GMDS: variants seen among roughly 807,000 people sequenced by gnomAD.
The protein encoded by GMDS is GDP-mannose 4,6 dehydratase.
Under a neutral mutation model 49.9 loss-of-function variants are expected in GMDS, and 20 were observed. The ratio of observed to expected loss-of-function variants is 0.40; its 90% confidence interval spans 0.28 to 0.58. GMDS has a LOEUF of 0.58. Among genes scored for constraint, GMDS ranks in the 20% least tolerant of loss-of-function variants. GMDS has a pLI of 0.42. For synonymous variants in GMDS, 177 were observed against 178.6 expected (o/e 0.99, Z 0.07); for missense variants, 362 against 481.4 (o/e 0.75, Z 2.32).
chr6:1,981,675 A>G (rs917464628), intron 4 of GMDS, among the ~76,000 whole-genome samples: 1 of 152,168 alleles, frequency 6.6e-6, no homozygotes, highest in African/African-American at 2.4e-5. Flanking sequence ...ATTCTATGAA[A>G]CCAGCATCAT....
chr6:2,183,884 G>A (rs925239173), intron 1 of GMDS, among the ~76,000 whole-genome samples: 3 of 152,116 alleles, frequency 2.0e-5, no homozygotes, highest in South Asian at 2.1e-4. Context: ...GCATTCTTTA[G>A]CATAAGATAT....
intron 1 of GMDS, among the ~76,000 whole-genome samples, chr6:2,224,874 T>C (rs1780748632): frequency 6.6e-6 from 1 of 152,336 alleles, no homozygotes; most frequent in African/African-American, 2.4e-5. Flanking sequence ...AACCCTCACC[T>C]ATGGCTAGTA....
chr6:1,774,192 T>C (rs558458670), intron 7 of GMDS, among the ~76,000 whole-genome samples: 1 of 152,254 alleles, frequency 6.6e-6, no homozygotes, highest in Non-Finnish European at 1.5e-5. Flanking sequence ...TTAGCTGTAA[T>C]GTTCATATAA....
intron 8 of GMDS, among the ~76,000 whole-genome samples, chr6:1,732,520 G>A (rs746960400): frequency 6.6e-6 from 1 of 152,170 alleles, no homozygotes; most frequent in Non-Finnish European, 1.5e-5. Context: ...TTTTGAATAA[G>A]AGGAGGCCGA....
At chr6:1,737,870 CACAT>C (rs1311326624) in intron 8 of GMDS, among the ~76,000 whole-genome samples, 4 of 148,674 alleles carry the variant, frequency 2.7e-5, no homozygotes, top group Non-Finnish European at 5.9e-5. Flanking sequence ...CACACATACA[CACAT>C]ACATACACAC....
chr6:1,675,095 G>T (rs142485747), intron 9 of GMDS, among the ~76,000 whole-genome samples: 68 of 151,964 alleles, frequency 4.5e-4, no homozygotes, highest in African/African-American at 1.3e-3. Flanking sequence ...GCAACACCAC[G>T]CCTGGCTAAT....
At chr6:1,649,801 G>A (rs958960177) in intron 9 of GMDS, among the ~76,000 whole-genome samples, 1 of 152,112 alleles carries the variant, frequency 6.6e-6, no homozygotes, top group Non-Finnish European at 1.5e-5. Flanking sequence ...ACTGCACTTC[G>A]AAGACACCCC....
At chr6:1,958,287 A>C (rs1763752318) in intron 6 of GMDS, among the ~76,000 whole-genome samples, 1 of 151,848 alleles carries the variant, frequency 6.6e-6, no homozygotes, top group African/African-American at 2.4e-5. Context: ...ACAACAATTA[A>C]CTTTTATTTT....
At chr6:2,065,334 A>G (rs994704676) in intron 4 of GMDS, among the ~76,000 whole-genome samples, 38 of 152,354 alleles carry the variant, frequency 2.5e-4, no homozygotes, top group Non-Finnish European at 4.3e-4. Flanking sequence ...AAAACACAGC[A>G]GAAAAACTGG....
At chr6:1,885,359 CTTGT>C (rs1448089104) in intron 7 of GMDS, among the ~76,000 whole-genome samples, 1 of 152,140 alleles carries the variant, frequency 6.6e-6, no homozygotes, top group African/African-American at 2.4e-5. Context: ...TCTGGTTCTG[CTTGT>C]TTATCTTTAT....
chr6:2,182,427 G>C (rs1442181239), intron 1 of GMDS, among the ~76,000 whole-genome samples: 1 of 152,198 alleles, frequency 6.6e-6, no homozygotes, highest in East Asian at 1.9e-4. Flanking sequence ...TCTTCTATTG[G>C]AAGAAGACGT....
chr6:2,109,119 G>A (rs1267306420), intron 4 of GMDS, among the ~76,000 whole-genome samples: 1 of 152,156 alleles, frequency 6.6e-6, no homozygotes, highest in Non-Finnish European at 1.5e-5. Flanking sequence ...TATGTAACCT[G>A]AGCCCATCCA....
chr6:2,239,498 A>G (rs1179925818), intron 1 of GMDS, among the ~76,000 whole-genome samples: 5 of 152,222 alleles, frequency 3.3e-5, no homozygotes, highest in Non-Finnish European at 5.9e-5. Context: ...ATCCCTAAGA[A>G]TAACCAGGTA....
chr6:1,819,788 T>TAC (rs1770818109), intron 7 of GMDS, among the ~76,000 whole-genome samples: 2 of 146,374 alleles, frequency 1.4e-5, no homozygotes, highest in South Asian at 4.3e-4. Flanking sequence ...TATATATATA[T>TAC]ATATATATAT....
intron 4 of GMDS, among the ~76,000 whole-genome samples, chr6:2,022,066 C>T (rs1295030651): frequency 6.6e-6 from 1 of 152,114 alleles, no homozygotes; most frequent in Non-Finnish European, 1.5e-5. Flanking sequence ...GTTTTATAGC[C>T]TGACAGGCTG....
intron 4 of GMDS, among the ~76,000 whole-genome samples, chr6:2,066,011 C>G (rs1452577927): frequency 6.6e-6 from 1 of 152,186 alleles, no homozygotes; most frequent in Non-Finnish European, 1.5e-5. Context: ...ATGTTAAGGA[C>G]AGTCAGAGAG....
chr6:1,673,905 G>A (rs2113287044), intron 9 of GMDS, among the ~76,000 whole-genome samples: 1 of 130,104 alleles, frequency 7.7e-6, no homozygotes, highest in East Asian at 2.1e-4. Flanking sequence ...GCATTCCATT[G>A]GATGAACGTA....
chr6:2,124,265 G>A (rs764725528), intron 2 of GMDS, among the ~76,000 whole-genome samples: 5 of 152,084 alleles, frequency 3.3e-5, no homozygotes, highest in Non-Finnish European at 7.4e-5. Flanking sequence ...AAACCTCCAG[G>A]TATAAATTTT....
At chr6:1,957,669 G>C (rs1311224027) in intron 6 of GMDS, among the ~76,000 whole-genome samples, 1 of 152,202 alleles carries the variant, frequency 6.6e-6, no homozygotes, top group African/African-American at 2.4e-5. Flanking sequence ...TATGTTTAAA[G>C]AGAGAACTTT....
Sources: gnomAD v4.1 joint callset for allele counts (sites outside exome capture counted in the v4.1 genomes callset) on GRCh38, gnomAD v4.1.1 for gene constraint, MANE v1.5 for transcripts, NCBI Gene and HGNC (gene_info 2026-07-23, HGNC 2026-07-21) for gene names.